The following LINGO2 variants were observed in gnomAD, a reference collection of about 807,000 sequenced individuals.
The protein encoded by LINGO2 is leucine rich repeat and Ig domain containing 2, also known as leucine-rich repeat and immunoglobulin-like domain-containing nogo receptor-interacting protein 2.
In LINGO2, 14 loss-of-function variants were observed where a neutral mutation model predicts 30.6. The observed-to-expected ratio is 0.46, with a 90% CI of 0.30 to 0.72. The LOEUF is 0.72. Among genes scored for constraint, LINGO2 ranks in the 30% least tolerant of loss-of-function variants. LINGO2 has a pLI of 0.07. For synonymous variants in LINGO2, 317 were observed against 288.5 expected (o/e 1.10, Z -1.00); for missense variants, 729 against 751.7 (o/e 0.97, Z 0.35).
chr9:29,110,151 A>G, the LINGO2 span, among the ~76,000 whole-genome samples: 2 of 152,238 alleles, frequency 1.3e-5, no homozygotes. Context: ...AGGAAATTGG[A>G]TACTTTAGAA....
chr9:28,043,396 G>T (rs1824278786), intron 4 of LINGO2, among the ~76,000 whole-genome samples: 1 of 152,186 alleles, frequency 6.6e-6, no homozygotes, highest in African/African-American at 2.4e-5. Flanking sequence ...CATTGAGGAA[G>T]ATTTTTCATC....
the LINGO2 span, among the ~76,000 whole-genome samples, chr9:28,931,582 A>G: frequency 1.3e-5 from 2 of 152,258 alleles, no homozygotes; most frequent in African/African-American, 4.8e-5. Context: ...TTTGTCAATT[A>G]CCACATATTT....
rs891042756 is a variant in LINGO2, at chr9:28,148,005, T to C, written c.-86-135600A>G. Reference sequence around the variant, plus strand: ...CTCAAAATGGGCAACTCATTAAGCATATTTTGTTCCTGGTTCCGCCACAGG... The same window carrying C: ...CTCAAAATGGGCAACTCATTAAGCACATTTTGTTCCTGGTTCCGCCACAGG... On this transcript the variant is annotated intron_variant, in intron 4 of 5. Transcript: ENST00000379992. The surrounding 1 kb of genome is among the most constrained non-coding windows in gnomAD (Gnocchi z 5.1). 4.6e-5 allele frequency among the ~76,000 whole-genome samples: 7 copies of C among 152,140 alleles called. No homozygotes were observed. Among genetic ancestry groups the C allele is most frequent in the Non-Finnish European group, 8.8e-5 (6 of 68,016 alleles).
intron 5 of LINGO2, among the ~76,000 whole-genome samples, chr9:27,961,654 C>A (rs1819853968): frequency 6.6e-6 from 1 of 152,190 alleles, no homozygotes; most frequent in Non-Finnish European, 1.5e-5. Context: ...ATCAGATTTA[C>A]ATTTTGGAAA....
chr9:29,032,686 C>T, the LINGO2 span, among the ~76,000 whole-genome samples: 7 of 152,038 alleles, frequency 4.6e-5, no homozygotes, highest in Non-Finnish European at 7.4e-5. Flanking sequence ...GATGCCAAAG[C>T]CTGTAGACCA....
intron 4 of LINGO2, among the ~76,000 whole-genome samples, chr9:28,091,658 A>C (rs1826092544): frequency 6.6e-6 from 1 of 152,222 alleles, no homozygotes; most frequent in Non-Finnish European, 1.5e-5. Flanking sequence ...TTCATGTCTA[A>C]AACACCAAAA....
At chr9:29,176,452 A>C in the LINGO2 span, among the ~76,000 whole-genome samples, 98 of 152,160 alleles carry the variant, frequency 6.4e-4, 1 homozygote, top group Non-Finnish European at 5.4e-4. Flanking sequence ...CCCTCTTTAC[A>C]ATCCCTGTCC....
chr9:28,377,529 C>T (rs1821178165), intron 2 of LINGO2, among the ~76,000 whole-genome samples: 1 of 152,100 alleles, frequency 6.6e-6, no homozygotes, highest in African/African-American at 2.4e-5. Context: ...AAGTTATACA[C>T]AGATTTTCAA....
chr9:29,200,103 C>T, the LINGO2 span, among the ~76,000 whole-genome samples: 1 of 151,982 alleles, frequency 6.6e-6, no homozygotes, highest in Admixed American at 6.6e-5. Context: ...CTAGACTACC[C>T]TGGAGTTTTT....
the LINGO2 span, among the ~76,000 whole-genome samples, chr9:29,029,692 G>A: frequency 6.6e-6 from 1 of 152,080 alleles, no homozygotes; most frequent in Admixed American, 6.6e-5. Context: ...GAAGAGAAAT[G>A]TAAGAAGCTA....
intron 1 of LINGO2, among the ~76,000 whole-genome samples, chr9:28,478,533 C>T (rs1364871468): frequency 9.2e-5 from 14 of 152,064 alleles, no homozygotes; most frequent in Non-Finnish European, 2.9e-5. Flanking sequence ...AACAAGAATT[C>T]AGAAGATAGG....
At chr9:28,239,125 T>C (rs2133965433) in intron 4 of LINGO2, among the ~76,000 whole-genome samples, 1 of 152,016 alleles carries the variant, frequency 6.6e-6, no homozygotes, top group Admixed American at 6.6e-5. Context: ...CAATAACAAG[T>C]AATAAAATCA....
intron 2 of LINGO2, among the ~76,000 whole-genome samples, chr9:28,471,835 A>T (rs1825532737): frequency 6.6e-6 from 1 of 152,332 alleles, no homozygotes; most frequent in Admixed American, 6.5e-5. Flanking sequence ...CCCAAAAGAC[A>T]TGTATAAGTA....
intron 1 of LINGO2, among the ~76,000 whole-genome samples, chr9:28,583,462 T>G (rs917288307): frequency 2.6e-5 from 4 of 151,970 alleles, no homozygotes; most frequent in Non-Finnish European, 4.4e-5. Flanking sequence ...ACATTTCCCT[T>G]TGATTGTGTA....
chr9:28,401,518 T>G (rs1822264830), intron 2 of LINGO2, among the ~76,000 whole-genome samples: 1 of 152,176 alleles, frequency 6.6e-6, no homozygotes. Context: ...TACCAAATTT[T>G]TTTATCCAAT....
chr9:28,688,328 G>A, the LINGO2 span, among the ~76,000 whole-genome samples: 2 of 152,170 alleles, frequency 1.3e-5, no homozygotes, highest in African/African-American at 4.8e-5. Context: ...AAGGCTCACT[G>A]AGCCAAGAAC....
At chr9:28,837,021 C>A in the LINGO2 span, among the ~76,000 whole-genome samples, 1 of 152,098 alleles carries the variant, frequency 6.6e-6, no homozygotes, top group Non-Finnish European at 1.5e-5. Context: ...CAAAGTTATC[C>A]TTTGAGAGAA....
chr9:28,325,949 T>A (rs1825213028), intron 3 of LINGO2, among the ~76,000 whole-genome samples: 2 of 152,198 alleles, frequency 1.3e-5, no homozygotes, highest in South Asian at 4.1e-4. Context: ...AATAAAGTCA[T>A]CCTTGCCTGT....
intron 4 of LINGO2, among the ~76,000 whole-genome samples, chr9:28,037,900 T>C (rs1824013696): frequency 6.6e-6 from 1 of 152,232 alleles, no homozygotes; most frequent in Non-Finnish European, 1.5e-5. Context: ...GTAACTCATA[T>C]ACAGTGTCAC....
Sources: allele counts gnomAD v4.1 joint callset (sites outside exome capture counted in the v4.1 genomes callset), GRCh38; gene constraint gnomAD v4.1.1; non-coding constraint Gnocchi (gnomAD v3.1); transcripts MANE v1.5; gene names NCBI Gene and HGNC (gene_info 2026-07-23, HGNC 2026-07-21).